VPS13A: variants seen among roughly 807,000 people sequenced by gnomAD.
VPS13A encodes intermembrane lipid transfer protein VPS13A.
In VPS13A, 264 loss-of-function variants were observed where a neutral mutation model predicts 390.9. That is an observed-to-expected ratio of 0.68 (90% CI 0.61 to 0.75). The LOEUF (loss-of-function observed/expected upper bound fraction) is 0.75, where lower values mean the gene tolerates loss of function less well. Among genes scored for constraint, VPS13A ranks in the 30% least tolerant of loss-of-function variants. VPS13A has a pLI of 0.00. For missense variants in VPS13A, 3,409 were observed against 3,733.9 expected (o/e 0.91, Z 2.27); for synonymous variants, 1,231 against 1,227.1 (o/e 1.00, Z -0.07).
intron 46 of VPS13A, among the ~76,000 whole-genome samples, chr9:77,336,253 G>A (rs1458487910): frequency 1.3e-5 from 2 of 152,074 alleles, no homozygotes. Context: ...ACCTAATGTA[G>A]ATGATCGATT....
In VPS13A at chr9:77,390,126, T is replaced by G. The variant is rs562811078; in HGVS notation, c.9189+8039T>G. The stretch of plus-strand genomic sequence containing the variant: ...AGAGTAGTGCCGAACACTTCCTGGC[T>G]TCATCTGAAAATTTGAGTAAGTGGA... On this transcript the variant is annotated intron_variant, in intron 68 of 71. Transcript: ENST00000360280. 6.9e-5 allele frequency: 68 copies of G among 985,374 alleles called. No individual in the cohort carries two copies. In the African/African-American group the frequency reaches 1.1e-3, roughly 16 times the overall value. The allele number at this position is 985,374 out of a possible 1,614,324, so 61.0% of individuals were successfully genotyped here.
intron 5 of VPS13A, among the ~76,000 whole-genome samples, chr9:77,207,249 A>ATATG (rs1458940729): frequency 8.8e-6 from 1 of 113,418 alleles, no homozygotes; most frequent in African/African-American, 3.4e-5. Flanking sequence ...ATATATATAT[A>ATATG]TATAAAACGT....
chr9:77,186,168 G>A (rs893751997), intron 1 of VPS13A, among the ~76,000 whole-genome samples: 1 of 152,080 alleles, frequency 6.6e-6, no homozygotes, highest in African/African-American at 2.4e-5. Flanking sequence ...GAAAATGGAG[G>A]TAGTATATGT....
intron 22 of VPS13A, among the ~76,000 whole-genome samples, chr9:77,254,064 C>T (rs1430511066): frequency 1.3e-5 from 2 of 151,068 alleles, no homozygotes; most frequent in Non-Finnish European, 2.9e-5. Flanking sequence ...CTGCCTCAGC[C>T]TCCCGAGTAG....
At position 77,369,360 on chromosome 9, in the gene VPS13A, T is replaced by C; in HGVS notation, c.8615T>C (p.Leu2872Ser). 6.2e-7 allele frequency: 1 copy of C among 1,613,876 alleles called. No homozygotes were observed. Among genetic ancestry groups the C allele is most frequent in the Non-Finnish European group, 8.5e-7 (1 of 1,179,830 alleles). Residue 2872 changes from leucine to serine, a missense_variant, in exon 63 of 72, where the codon TTA (leucine) becomes TCA (serine). Physicochemically the swap from Leu to Ser is moderately radical, Grantham distance 145. Transcript: ENST00000360280. ...GLDVLGNPFG[L>S]IREFSEGVEA... The stretch of plus-strand genomic sequence containing the variant: ...GATGTTTTGGGAAATCCATTTGGCT[T>C]AATTAGAGAATTTTCTGAAGGTGTA...
intron 67 of VPS13A, among the ~76,000 whole-genome samples, chr9:77,378,957 T>C (rs1266588286): frequency 6.6e-6 from 1 of 152,094 alleles, no homozygotes; most frequent in East Asian, 1.9e-4. Context: ...TTATTTATGC[T>C]TCTATGTTTT....
chr9:77,209,850 A>G (rs1178850375), intron 6 of VPS13A, among the ~76,000 whole-genome samples: 1 of 152,206 alleles, frequency 6.6e-6, no homozygotes, highest in Admixed American at 6.5e-5. Flanking sequence ...GTACTGGTCT[A>G]GCAATTAGTG....
chr9:77,231,329 C>G (rs1823820887), intron 17 of VPS13A, among the ~76,000 whole-genome samples: 1 of 152,124 alleles, frequency 6.6e-6, no homozygotes, highest in Non-Finnish European at 1.5e-5. Context: ...AGTGTTCATC[C>G]TTTCACCATT....
chr9:77,395,518 CA>C (rs1475180520), intron 68 of VPS13A, among the ~76,000 whole-genome samples: 1 of 152,134 alleles, frequency 6.6e-6, no homozygotes. Flanking sequence ...GACTTAGAGA[CA>C]CGAAATGAGC....
chr9:77,340,614 C>T (rs1830759720), intron 50 of VPS13A, 64 bp downstream of exon 50: 1 of 1,583,850 alleles, frequency 6.3e-7, no homozygotes, highest in African/African-American at 1.3e-5. Context: ...AGTTAGATAC[C>T]TAAAGTCACC....
chr9:77,296,380 T>C (rs1828002377), intron 33 of VPS13A, among the ~76,000 whole-genome samples: 1 of 152,220 alleles, frequency 6.6e-6, no homozygotes, highest in African/African-American at 2.4e-5. Flanking sequence ...GTTTCTGTGC[T>C]ATTTCTAATT....
chr9:77,414,347 C>T (rs7850040), intron 71 of VPS13A, among the ~76,000 whole-genome samples: 43,905 of 151,968 alleles, frequency 0.29, 6,535 homozygotes, highest in African/African-American at 0.31. Context: ...CCCAAATGTC[C>T]AACAATGATA....
chr9:77,350,230 T>C (rs1831379957), intron 52 of VPS13A, among the ~76,000 whole-genome samples: 1 of 152,194 alleles, frequency 6.6e-6, no homozygotes, highest in Non-Finnish European at 1.5e-5. Context: ...CTTGTGAATA[T>C]AATTTGGTAT....
At position 77,366,044 on chromosome 9, in the gene VPS13A, G is replaced by C. The variant is rs1011107162; in HGVS notation, c.8325+471G>C. 2.0e-5 allele frequency among the ~76,000 whole-genome samples: 3 copies of C among 151,920 alleles called. No homozygotes were observed. The South Asian group carries it at 6.2e-4, about 32-fold the overall frequency. On this transcript the variant is annotated intron_variant, in intron 60 of 71. Coordinates refer to ENST00000360280, the MANE Select transcript of VPS13A (RefSeq NM_033305.3). ...ACAATACAAAAGTGTTTTTTAACTG[G>C]CTATTAACTTCTGAAATAATTGAAA...
At position 77,391,007 on chromosome 9, in the gene VPS13A, A is replaced by T. The variant is rs887240638; in HGVS notation, c.9189+8920A>T. On this transcript the variant is annotated intron_variant, in intron 68 of 71. Transcript: ENST00000360280. ...TTATAACATTAAAAGAAATCCTCAAATGTTAAGCCCAGGTACGTTCAATTT... is the reference window on the plus strand; with the variant it reads ...TTATAACATTAAAAGAAATCCTCAATTGTTAAGCCCAGGTACGTTCAATTT... Among the ~76,000 whole-genome samples the T allele has an allele frequency of 1.2e-4, 18 of 152,164 alleles. 1 individual carries two copies. Among genetic ancestry groups the T allele is most frequent in the Admixed American group, 4.6e-4 (7 of 15,272 alleles).
At chr9:77,295,209 G>A (rs1037482177) in intron 32 of VPS13A, among the ~76,000 whole-genome samples, 3 of 151,732 alleles carry the variant, frequency 2.0e-5, no homozygotes, top group Admixed American at 6.6e-5. Flanking sequence ...ATATAAATAA[G>A]CTCTCTGTCC....
intron 17 of VPS13A, among the ~76,000 whole-genome samples, chr9:77,237,537 G>T (rs746324898): frequency 6.6e-6 from 1 of 151,924 alleles, no homozygotes; most frequent in African/African-American, 2.4e-5. Flanking sequence ...GCTAACTTTT[G>T]TATTTTTAGT....
chr9:77,240,483 T>G (rs199612138), intron 19 of VPS13A, among the ~76,000 whole-genome samples: 23,615 of 148,484 alleles, frequency 0.16, 2,388 homozygotes, highest in East Asian at 0.38. Context: ...TTTTTGTTTT[T>G]TTTTTTTTTT....
chr9:77,337,842 C>T (rs1587612993), intron 47 of VPS13A: 3 of 238,462 alleles, frequency 1.3e-5, no homozygotes, highest in South Asian at 1.0e-4. Context: ...TGGTTTCTTC[C>T]TGTTGTTATA....
Sources: gnomAD v4.1 joint callset for allele counts (sites outside exome capture counted in the v4.1 genomes callset) on GRCh38, gnomAD v4.1.1 for gene constraint, MANE v1.5 for transcripts, NCBI Gene and HGNC (gene_info 2026-07-23, HGNC 2026-07-21) for gene names.